The following SOX5 variants were observed in gnomAD, a reference collection of about 807,000 sequenced individuals.
SOX5 encodes transcription factor SOX-5.
Under a neutral mutation model 92.0 loss-of-function variants are expected in SOX5, and 9 were observed. That is an observed-to-expected ratio of 0.10 (90% CI 0.06 to 0.17). The LOEUF (loss-of-function observed/expected upper bound fraction) is 0.17, where lower values mean the gene tolerates loss of function less well. Ranked by LOEUF, SOX5 falls within the 10% of genes least tolerant of loss-of-function variation. SOX5 has a pLI of 1.00. For synonymous variants in SOX5, 344 were observed against 336.3 expected (o/e 1.02, Z -0.25); for missense variants, 642 against 944.5 (o/e 0.68, Z 4.20).
intron 4 of SOX5, among the ~76,000 whole-genome samples, chr12:23,991,348 A>T (rs1002245): frequency 0.22 from 33,237 of 148,618 alleles, 3,862 homozygotes; most frequent in African/African-American, 0.25. Context: ...CAACAAAAAA[A>T]ATATATATAT....
intron 2 of SOX5, among the ~76,000 whole-genome samples, chr12:24,357,827 C>G (rs1301834292): frequency 3.0e-5 from 4 of 135,216 alleles, no homozygotes; most frequent in Admixed American, 1.8e-4. Flanking sequence ...GGTGACAGAG[C>G]GAGACTCCAT....
At chr12:23,707,795 A>C (rs572664275) in intron 6 of SOX5, among the ~76,000 whole-genome samples, 100 of 152,100 alleles carry the variant, frequency 6.6e-4, no homozygotes, top group Non-Finnish European at 1.4e-3. Flanking sequence ...TAAGAAGTTA[A>C]TTTGCACTTC....
intron 3 of SOX5, among the ~76,000 whole-genome samples, chr12:23,812,604 C>A (rs1415641787): frequency 6.6e-6 from 1 of 152,042 alleles, no homozygotes; most frequent in Non-Finnish European, 1.5e-5. Context: ...CCAAACCAAC[C>A]AGGAGAATTT....
chr12:23,977,969 A>C lies in SOX5; in HGVS notation c.-1-81945T>G, dbSNP rs563350025. On this transcript the variant is annotated intron_variant, in intron 4 of 4. Transcript: ENST00000446891. ...ATGTGTTGTGAATTCCAAATTCCAA[A>C]CAAACTACTTGAAACAACCTGTTCA... Among the ~76,000 whole-genome samples the C allele has an allele frequency of 2.0e-3, 308 of 152,320 alleles. 1 individual carries two copies. Among genetic ancestry groups the C allele is most frequent in the Middle Eastern group, 3.4e-3 (1 of 294 alleles).
chr12:23,862,083 G>C (rs2096762717), intron 2 of SOX5, among the ~76,000 whole-genome samples: 1 of 152,094 alleles, frequency 6.6e-6, no homozygotes, highest in Non-Finnish European at 1.5e-5. Flanking sequence ...TGAAAGGGTT[G>C]TCTTTAGTTA....
Position 23,621,384 on chromosome 12 carries a change from TA to T in SOX5, c.1018-16852del, listed in dbSNP as rs565102365. Among the ~76,000 whole-genome samples the T allele has an allele frequency of 1.2e-4, 19 of 152,216 alleles. No individual in the cohort carries two copies. The South Asian group carries it at 1.7e-3, about 13-fold the overall frequency. On this transcript the variant is annotated intron_variant, in intron 8 of 14. Coordinates refer to ENST00000451604, the MANE Select transcript of SOX5 (RefSeq NM_006940.6). ...ACTGGACACAGACAGTGGTGATGGT[TA>T]TATAACATTGTATATAATGCTACAC...
intron 11 of SOX5, among the ~76,000 whole-genome samples, chr12:23,550,874 A>G (rs142347435): frequency 9.9e-5 from 15 of 152,158 alleles, no homozygotes; most frequent in African/African-American, 3.4e-4. Flanking sequence ...AAAACAAAAG[A>G]ACACACAAAC....
rs1275825978 is a variant in SOX5, at chr12:23,779,788, A to AAAATAT, written c.482-24065_482-24064insATATTT. ...TTGAATCTTCAATTTCACAGATTAA[A>AAAATAT]ATATATATATATATATATATATATA... On this transcript the variant is annotated intron_variant, in intron 3 of 14. Transcript: ENST00000451604. 2.5e-4 allele frequency among the ~76,000 whole-genome samples: 28 copies of AAAATAT among 110,522 alleles called. No homozygotes were observed. In the South Asian group the frequency reaches 9.7e-3, roughly 38 times the overall value. 72.5% of individuals were successfully genotyped at this position (110,522 alleles called of 152,430 possible). A position where few individuals can be genotyped will look rare whatever the true frequency, so the allele number is the denominator to read the frequency against.
intron 1 of SOX5, among the ~76,000 whole-genome samples, chr12:24,455,815 G>A (rs1470103255): frequency 6.6e-6 from 1 of 152,136 alleles, no homozygotes; most frequent in Non-Finnish European, 1.5e-5. Context: ...AGGTCTGACT[G>A]CTGATCACTC....
chr12:23,648,309 A>G (rs1203338703), intron 7 of SOX5, among the ~76,000 whole-genome samples: 1 of 152,234 alleles, frequency 6.6e-6, no homozygotes, highest in Admixed American at 6.5e-5. Flanking sequence ...CGTGAAACAC[A>G]CTAAAGCAAA....
At chr12:24,209,727 T>A (rs1266902149) in intron 4 of SOX5, among the ~76,000 whole-genome samples, 1 of 152,134 alleles carries the variant, frequency 6.6e-6, no homozygotes, top group African/African-American at 2.4e-5. Flanking sequence ...CTTTTAGAAA[T>A]AATCCTTCCG....
chr12:24,543,739 A>C (rs1470915248), intron 1 of SOX5, among the ~76,000 whole-genome samples: 1 of 152,244 alleles, frequency 6.6e-6, no homozygotes, highest in Non-Finnish European at 1.5e-5. Flanking sequence ...TAAAGCAATT[A>C]ACAACAAGTA....
chr12:24,561,915 G>C (rs1197149755), intron 1 of SOX5, among the ~76,000 whole-genome samples: 3 of 152,204 alleles, frequency 2.0e-5, no homozygotes, highest in Non-Finnish European at 2.9e-5. Context: ...GCACAGCCCA[G>C]GGTTCTCCCC....
intron 3 of SOX5, among the ~76,000 whole-genome samples, chr12:24,231,923 A>C (rs767240040): frequency 2.0e-5 from 3 of 152,196 alleles, no homozygotes; most frequent in African/African-American, 4.8e-5. Context: ...TTCCTAGAAC[A>C]GTGCTGGATC....
chr12:24,415,089 T>C (rs1964790518), intron 1 of SOX5, among the ~76,000 whole-genome samples: 1 of 152,256 alleles, frequency 6.6e-6, no homozygotes, highest in African/African-American at 2.4e-5. Flanking sequence ...TAGTTCTCTG[T>C]GTAAATCCCC....
chr12:23,796,973 T>G (rs998697427), intron 3 of SOX5, among the ~76,000 whole-genome samples: 1 of 149,878 alleles, frequency 6.7e-6, no homozygotes, highest in Non-Finnish European at 1.5e-5. Context: ...ACAGTAGGTA[T>G]TTTTATTTAA....
intron 8 of SOX5, among the ~76,000 whole-genome samples, chr12:23,605,130 T>A (rs1388977041): frequency 1.3e-5 from 2 of 152,144 alleles, no homozygotes; most frequent in Non-Finnish European, 2.9e-5. Context: ...TCATGATATG[T>A]AAACACAGAC....
At chr12:24,303,312 C>T (rs1948201150) in intron 2 of SOX5, among the ~76,000 whole-genome samples, 1 of 151,708 alleles carries the variant, frequency 6.6e-6, no homozygotes, top group Non-Finnish European at 1.5e-5. Flanking sequence ...TAGCATATTA[C>T]AGTAATCATA....
chr12:23,655,563 G>T (rs895542434), intron 7 of SOX5, among the ~76,000 whole-genome samples: 2 of 152,032 alleles, frequency 1.3e-5, no homozygotes, highest in African/African-American at 4.8e-5. Context: ...TAATATTAAG[G>T]CTTAGCAACC....
Sources: allele counts gnomAD v4.1 joint callset (sites outside exome capture counted in the v4.1 genomes callset), GRCh38; gene constraint gnomAD v4.1.1; transcripts MANE v1.5; gene names NCBI Gene and HGNC (gene_info 2026-07-23, HGNC 2026-07-21).